Variants in RBFOX1 observed in about 807,000 individuals in gnomAD.
RBFOX1 encodes RNA binding fox-1 homolog 1.
In RBFOX1, 8 loss-of-function variants were observed where a neutral mutation model predicts 57.7. The observed-to-expected ratio is 0.14, with a 90% confidence interval of 0.08 to 0.25. RBFOX1 has a LOEUF of 0.25. RBFOX1 is among the 10% of genes least tolerant of loss of function. The pLI is 1.00. For missense variants in RBFOX1, 611 were observed against 548.5 expected (o/e 1.11, Z -1.14); for synonymous variants, 326 against 222.4 (o/e 1.47, Z -4.15).
intron 1 of RBFOX1, among the ~76,000 whole-genome samples, chr16:5,447,290 C>A (rs1309826123): frequency 6.6e-6 from 1 of 152,020 alleles, no homozygotes; most frequent in Admixed American, 6.6e-5. Context: ...TGGCTCTGCA[C>A]CGTATAAGCT....
At chr16:5,816,639 C>A (rs916231654) in intron 3 of RBFOX1, among the ~76,000 whole-genome samples, 1 of 152,046 alleles carries the variant, frequency 6.6e-6, no homozygotes, top group African/African-American at 2.4e-5. Flanking sequence ...ACAAAATTAG[C>A]CAGATGTCAT....
At chr16:5,998,843 G>A (rs928809656) in intron 4 of RBFOX1, among the ~76,000 whole-genome samples, 1 of 152,114 alleles carries the variant, frequency 6.6e-6, no homozygotes, top group Non-Finnish European at 1.5e-5. Flanking sequence ...GTGTCATATT[G>A]CAGTCAGATT....
intron 4 of RBFOX1, among the ~76,000 whole-genome samples, chr16:7,165,961 C>CACATACAT: frequency 8.7e-6 from 1 of 115,392 alleles, no homozygotes; most frequent in South Asian, 3.2e-4. Context: ...CACACACACA[C>CACATACAT]ACACATACAT....
At chr16:7,033,816 C>T (rs1485034528) in intron 3 of RBFOX1, among the ~76,000 whole-genome samples, 1 of 151,960 alleles carries the variant, frequency 6.6e-6, no homozygotes, top group African/African-American at 2.4e-5. Context: ...AAAAATAAAA[C>T]AAATTAGCCC....
In RBFOX1 at chr16:5,819,486, C is replaced by A. The variant is rs556786389; in HGVS notation, c.319-47817C>A. 7.9e-5 allele frequency among the ~76,000 whole-genome samples: 12 copies of A among 152,288 alleles called. No homozygotes were observed. In the South Asian group the frequency reaches 2.1e-3, roughly 26 times the overall value. On this transcript the variant is annotated intron_variant, in intron 3 of 19. Coordinates refer to the RBFOX1 transcript ENST00000641259. ...CTTTCAAAAGCATGACCTCACTGTG[C>A]CACTTCTATGAAACCCTACAGAGGT...
At chr16:6,363,448 T>C (rs1277731856) in intron 2 of RBFOX1, among the ~76,000 whole-genome samples, 1 of 152,254 alleles carries the variant, frequency 6.6e-6, no homozygotes, top group Non-Finnish European at 1.5e-5. Context: ...GACTGGAGAC[T>C]GATCTCGAGA....
At chr16:5,657,385 T>C (rs1374847267) in intron 3 of RBFOX1, among the ~76,000 whole-genome samples, 1 of 152,212 alleles carries the variant, frequency 6.6e-6, no homozygotes, top group Non-Finnish European at 1.5e-5. Flanking sequence ...GATCCTGCTG[T>C]TGCTGTTTAC....
At chr16:5,751,364 G>T (rs776885749) in intron 3 of RBFOX1, among the ~76,000 whole-genome samples, 1 of 151,928 alleles carries the variant, frequency 6.6e-6, no homozygotes, top group Non-Finnish European at 1.5e-5. Flanking sequence ...TTTTTCTCTC[G>T]GGGAGCTTTC....
At chr16:7,146,032 G>C (rs1039650129) in intron 4 of RBFOX1, among the ~76,000 whole-genome samples, 5 of 152,196 alleles carry the variant, frequency 3.3e-5, no homozygotes, top group African/African-American at 1.2e-4. Flanking sequence ...AGAGTGCTGT[G>C]ATTAAAACTG....
intron 3 of RBFOX1, among the ~76,000 whole-genome samples, chr16:5,847,714 G>T (rs929638630): frequency 6.6e-6 from 1 of 152,090 alleles, no homozygotes; most frequent in Admixed American, 6.5e-5. Flanking sequence ...CCTTCCAGTT[G>T]TGTGGTCTGG....
chr16:7,237,925 A>G (rs1011901736), intron 4 of RBFOX1, among the ~76,000 whole-genome samples: 5 of 152,072 alleles, frequency 3.3e-5, no homozygotes, highest in African/African-American at 1.2e-4. Context: ...AATTGCTTGA[A>G]CCCTGGAGAT....
intron 4 of RBFOX1, among the ~76,000 whole-genome samples, chr16:7,450,038 G>A (rs1015881970): frequency 1.3e-5 from 2 of 152,142 alleles, no homozygotes; most frequent in Non-Finnish European, 2.9e-5. Context: ...GCTTTTCTGG[G>A]TGTGGATTTC....
chr16:7,586,269 G>A (rs2094120306), intron 6 of RBFOX1, among the ~76,000 whole-genome samples: 1 of 152,086 alleles, frequency 6.6e-6, no homozygotes, highest in African/African-American at 2.4e-5. Flanking sequence ...CTCAAGAAAT[G>A]GCCACAATAC....
chr16:7,043,331 C>G (rs938513142), intron 3 of RBFOX1, among the ~76,000 whole-genome samples: 1 of 152,130 alleles, frequency 6.6e-6, no homozygotes, highest in Non-Finnish European at 1.5e-5. Flanking sequence ...CCTCCCCTGT[C>G]TTTTTTAAAT....
At chr16:5,367,248 C>A (rs979377368) in intron 1 of RBFOX1, among the ~76,000 whole-genome samples, 2 of 152,160 alleles carry the variant, frequency 1.3e-5, no homozygotes, top group Non-Finnish European at 2.9e-5. Flanking sequence ...ATAGTTTCTG[C>A]ACACAAGTGG....
chr16:6,510,836 C>G (rs1466147492), intron 2 of RBFOX1, among the ~76,000 whole-genome samples: 1 of 151,678 alleles, frequency 6.6e-6, no homozygotes. Flanking sequence ...TAGTGTTGCA[C>G]CCTTAGTGCT....
intron 1 of RBFOX1, among the ~76,000 whole-genome samples, chr16:6,254,621 C>T (rs1214156732): frequency 9.2e-5 from 14 of 152,092 alleles, no homozygotes; most frequent in African/African-American, 3.1e-4. Flanking sequence ...CTTCATAAAC[C>T]TTTGACTGAT....
At chr16:5,298,340 A>G (rs1231381269) in intron 1 of RBFOX1, among the ~76,000 whole-genome samples, 5 of 152,172 alleles carry the variant, frequency 3.3e-5, no homozygotes, top group Non-Finnish European at 7.3e-5. Context: ...AGTAATAGTA[A>G]GATTAAATCT....
intron 4 of RBFOX1, among the ~76,000 whole-genome samples, chr16:7,431,851 A>G (rs2098683373): frequency 6.6e-6 from 1 of 152,210 alleles, no homozygotes; most frequent in Non-Finnish European, 1.5e-5. Flanking sequence ...CTTAACTGTT[A>G]AGGTAATTAG....
Sources: allele counts gnomAD v4.1 joint callset (sites outside exome capture counted in the v4.1 genomes callset), GRCh38; gene constraint gnomAD v4.1.1; transcripts MANE v1.5; gene names NCBI Gene and HGNC (gene_info 2026-07-23, HGNC 2026-07-21).